Variants in CDIN1 observed in about 807,000 individuals in gnomAD.
CDIN1 encodes CDAN1 interacting nuclease 1, also known as CDAN1-interacting nuclease 1.
Under a neutral mutation model 45.3 loss-of-function variants are expected in CDIN1, and 33 were observed. The observed-to-expected ratio is 0.73, with a 90% CI of 0.55 to 0.97. CDIN1 has a LOEUF of 0.97. Ranked by LOEUF, CDIN1 falls within the 50% of genes least tolerant of loss-of-function variation. The probability of loss-of-function intolerance (pLI) is 0.00; values close to 1 mark genes in which losing one functional copy is unlikely to be tolerated. For synonymous variants in CDIN1, 118 were observed against 124.4 expected (o/e 0.95, Z 0.34); for missense variants, 303 against 339.4 (o/e 0.89, Z 0.84).
chr15:36,620,582 G>T (rs1331077256), intron 1 of CDIN1, among the ~76,000 whole-genome samples: 1 of 151,988 alleles, frequency 6.6e-6, no homozygotes, highest in East Asian at 1.9e-4. Context: ...GCTTTGACCA[G>T]TCTAGTCAAA....
chr15:36,763,176 A>T (rs1332290963), intron 10 of CDIN1, among the ~76,000 whole-genome samples: 1 of 152,072 alleles, frequency 6.6e-6, no homozygotes, highest in East Asian at 1.9e-4. Context: ...CTTTTTAATG[A>T]TCGCCATTCT....
At chr15:36,709,641 T>G (rs2042985406) in intron 9 of CDIN1, among the ~76,000 whole-genome samples, 1 of 152,154 alleles carries the variant, frequency 6.6e-6, no homozygotes, top group Non-Finnish European at 1.5e-5. Flanking sequence ...AAGGGAGTTT[T>G]GAAGAATATA....
chr15:36,769,169 T>C (rs558667859), intron 10 of CDIN1, among the ~76,000 whole-genome samples: 1 of 152,192 alleles, frequency 6.6e-6, no homozygotes, highest in African/African-American at 2.4e-5. Context: ...ACCCCAGAGG[T>C]AGTTTATATC....
chr15:36,769,633 A>G (rs1479543182), intron 10 of CDIN1, among the ~76,000 whole-genome samples: 2 of 152,178 alleles, frequency 1.3e-5, no homozygotes, highest in Admixed American at 1.3e-4. Context: ...ATAAAATTTA[A>G]CCATCACAGG....
At chr15:36,652,839 G>A (rs529487938) in intron 3 of CDIN1, among the ~76,000 whole-genome samples, 1 of 152,258 alleles carries the variant, frequency 6.6e-6, no homozygotes, top group Non-Finnish European at 1.5e-5. Context: ...ACTTCTGGCA[G>A]TTATATGGAA....
chr15:36,640,569 A>T, intron 1 of CDIN1: 1 of 951,518 alleles, frequency 1.1e-6, no homozygotes, highest in Non-Finnish European at 1.3e-6. Context: ...AGGAGCTTTA[A>T]GGTAAAGGTA....
chr15:36,622,477 G>T (rs2039244034), intron 1 of CDIN1, among the ~76,000 whole-genome samples: 1 of 152,194 alleles, frequency 6.6e-6, no homozygotes, highest in South Asian at 2.1e-4. Context: ...CAGCAGTCAG[G>T]ATATCCTTGG....
chr15:36,740,372 A>G (rs1374900319), intron 10 of CDIN1, among the ~76,000 whole-genome samples: 1 of 152,076 alleles, frequency 6.6e-6, no homozygotes, highest in Non-Finnish European at 1.5e-5. Context: ...CATCCTAACT[A>G]ACCATACCTG....
At chr15:36,705,603 T>G (rs1347720563) in intron 8 of CDIN1, 1 of 152,142 alleles carries the variant, frequency 6.6e-6, no homozygotes, top group Non-Finnish European at 1.5e-5. Context: ...ACAATTTTGC[T>G]AGTTCAGAAA....
At chr15:36,643,326 C>T (rs2040185099) in intron 1 of CDIN1, among the ~76,000 whole-genome samples, 2 of 151,528 alleles carry the variant, frequency 1.3e-5, no homozygotes, top group Admixed American at 6.6e-5. Context: ...TTTCACATTC[C>T]CCAAATTACC....
chr15:36,620,858 T>C (rs2039155643), intron 1 of CDIN1, among the ~76,000 whole-genome samples: 2 of 152,122 alleles, frequency 1.3e-5, no homozygotes, highest in Non-Finnish European at 1.5e-5. Flanking sequence ...TTTCCTCCTC[T>C]TCTTCCCCCA....
intron 1 of CDIN1, chr15:36,617,897 A>T (rs2038972311): frequency 1.3e-6 from 1 of 769,152 alleles, no homozygotes; most frequent in East Asian, 2.5e-5. Flanking sequence ...TATGGCAAGG[A>T]TAAAAGCCAT....
At chr15:36,796,828 A>C (rs998436503) in intron 10 of CDIN1, among the ~76,000 whole-genome samples, 4 of 152,262 alleles carry the variant, frequency 2.6e-5, no homozygotes, top group Non-Finnish European at 5.9e-5. Flanking sequence ...TTTAAAATAT[A>C]ATCAGGTACC....
At chr15:36,653,885 C>A (rs897187595) in intron 3 of CDIN1, among the ~76,000 whole-genome samples, 1 of 152,156 alleles carries the variant, frequency 6.6e-6, no homozygotes, top group African/African-American at 2.4e-5. Context: ...ACCTTCTGCC[C>A]CCACCTTCAG....
chr15:36,727,244 A>T (rs1247520889), intron 10 of CDIN1, among the ~76,000 whole-genome samples: 1 of 152,006 alleles, frequency 6.6e-6, no homozygotes, highest in African/African-American at 2.4e-5. Flanking sequence ...AGACAACATC[A>T]TAGCTTTAAC....
chr15:36,734,203 T>G (rs1468682964), intron 10 of CDIN1, among the ~76,000 whole-genome samples: 1 of 152,104 alleles, frequency 6.6e-6, no homozygotes, highest in Non-Finnish European at 1.5e-5. Flanking sequence ...TATAGTAGTC[T>G]TCCCCCTCCT....
intron 10 of CDIN1, among the ~76,000 whole-genome samples, chr15:36,764,907 G>A (rs1386025023): frequency 1.3e-5 from 2 of 152,142 alleles, no homozygotes; most frequent in Non-Finnish European, 2.9e-5. Context: ...TGCCTAGGTT[G>A]CCATTCCAGG....
chr15:36,663,531 C>T (rs1365034794), intron 5 of CDIN1, among the ~76,000 whole-genome samples: 1 of 152,124 alleles, frequency 6.6e-6, no homozygotes, highest in East Asian at 1.9e-4. Flanking sequence ...TGAGTGAGTT[C>T]TCACAAGATC....
intron 1 of CDIN1, among the ~76,000 whole-genome samples, chr15:36,615,045 T>C (rs1255488026): frequency 6.6e-6 from 1 of 152,250 alleles, no homozygotes; most frequent in African/African-American, 2.4e-5. Context: ...ACTCATCTCA[T>C]TACCCTTTTC....
Sources: gnomAD v4.1 joint callset for allele counts (sites outside exome capture counted in the v4.1 genomes callset) on GRCh38, gnomAD v4.1.1 for gene constraint, MANE v1.5 for transcripts, NCBI Gene and HGNC (gene_info 2026-07-23, HGNC 2026-07-21) for gene names.